ADTRP: variants seen among roughly 807,000 people sequenced by gnomAD.
ADTRP encodes androgen dependent TFPI regulating protein.
ADTRP carries 20 observed loss-of-function variants against 27.0 expected under a neutral mutation model. The observed-to-expected ratio is 0.74, with a 90% confidence interval of 0.52 to 1.08. The LOEUF is 1.08. ADTRP is among the 50% of genes least tolerant of loss of function. The pLI is 0.00. For missense variants in ADTRP, 251 were observed against 275.0 expected, an observed-to-expected ratio of 0.91 and a Z score of 0.62; for synonymous variants, 101 against 105.2, an observed-to-expected ratio of 0.96 and a Z score of 0.25.
chr6:11,726,244 C>G (rs772722294), intron 4 of ADTRP, among the ~76,000 whole-genome samples: 2 of 152,044 alleles, frequency 1.3e-5, no homozygotes, highest in African/African-American at 4.8e-5. Flanking sequence ...GAGGAGGCAG[C>G]GGGGAATGCT....
intron 1 of ADTRP, among the ~76,000 whole-genome samples, chr6:11,770,586 C>T (rs1228191526): frequency 2.0e-5 from 3 of 152,012 alleles, no homozygotes; most frequent in South Asian, 2.1e-4. Context: ...AATCATGGGC[C>T]CTGGGGTGGA....
chr6:11,766,333 C>T lies in ADTRP; in HGVS notation c.331G>A (p.Asp111Asn), dbSNP rs956488202. Residue 111 changes from aspartate to asparagine, a missense_variant, in exon 3 of 6, where the codon GAT (aspartate) becomes AAT (asparagine). Asp to Asn is a conservative substitution (Grantham distance 23). Transcript: ENST00000414691. The stretch of plus-strand genomic sequence containing the variant: ...TCTAGGACCTTGGGGTAAATGAGAT[C>T]TCGATTGTAGAGAAAGAGGATCCAG... ...AFWILFLYNR[D>N]LIYPKVLDTV... 6.2e-6 allele frequency: 10 copies of T among 1,612,586 alleles called. No homozygotes were observed. Among genetic ancestry groups the T allele is most frequent in the South Asian group, 4.4e-5 (4 of 90,782 alleles).
At chr6:11,731,413 A>G (rs913593436) in intron 4 of ADTRP, among the ~76,000 whole-genome samples, 1 of 152,144 alleles carries the variant, frequency 6.6e-6, no homozygotes. Flanking sequence ...TCCACTCCAA[A>G]CAAACAAACA....
At chr6:11,715,650 T>A (rs1761790052) in intron 5 of ADTRP, among the ~76,000 whole-genome samples, 2 of 9,158 alleles carry the variant, frequency 2.2e-4, no homozygotes, top group African/African-American at 4.6e-4. Flanking sequence ...GTTTTTCCCT[T>A]TTTTTTTTTT....
chr6:11,726,503 C>T (rs550707556), intron 4 of ADTRP, among the ~76,000 whole-genome samples: 19 of 152,258 alleles, frequency 1.2e-4, no homozygotes, highest in Non-Finnish European at 2.2e-4. Flanking sequence ...GTCCATTTCC[C>T]CTTTGATCTT....
chr6:11,741,881 CT>C (rs1005502293), intron 3 of ADTRP, among the ~76,000 whole-genome samples: 1 of 152,094 alleles, frequency 6.6e-6, no homozygotes, highest in Non-Finnish European at 1.5e-5. Context: ...TACACACCTG[CT>C]GTCAGTGCTG....
intron 2 of ADTRP, among the ~76,000 whole-genome samples, chr6:11,767,262 G>A (rs1029737446): frequency 6.6e-6 from 1 of 152,134 alleles, no homozygotes; most frequent in Non-Finnish European, 1.5e-5. Flanking sequence ...GAGCCTGGGA[G>A]GTTGAGGCTG....
In ADTRP at chr6:11,759,692, C is replaced by T. The variant is rs184602684; in HGVS notation, c.390+6582G>A. Among the ~76,000 whole-genome samples the T allele has an allele frequency of 3.3e-5, 5 of 152,142 alleles. No individual in the cohort carries two copies. In the East Asian group the frequency reaches 7.7e-4, roughly 23 times the overall value. ...CCCCAAAGATGTCTATGTCCTAATC[C>T]CTGGAACCCGTGAATATGTTGATAT... On this transcript the variant is annotated intron_variant, in intron 3 of 5. Transcript: ENST00000414691.
chr6:11,763,273 C>T (rs1763449097), intron 3 of ADTRP, among the ~76,000 whole-genome samples: 2 of 152,166 alleles, frequency 1.3e-5, no homozygotes, highest in East Asian at 3.8e-4. Context: ...TCATGAAGGT[C>T]CTACAACCAC....
intron 3 of ADTRP, among the ~76,000 whole-genome samples, chr6:11,755,666 C>T (rs2235400): frequency 0.32 from 48,559 of 152,062 alleles, 9,272 homozygotes; most frequent in East Asian, 0.65. Flanking sequence ...TCAGTGTTTC[C>T]CAGGTAAATG....
intron 4 of ADTRP, among the ~76,000 whole-genome samples, chr6:11,735,291 T>A (rs1166885543): frequency 6.6e-6 from 1 of 152,210 alleles, no homozygotes; most frequent in Non-Finnish European, 1.5e-5. Flanking sequence ...GAAAGCAAGA[T>A]GAGTGGCTTT....
At chr6:11,766,130 T>C (rs4713873) in intron 3 of ADTRP, 144 bp downstream of exon 3, 41,142 of 548,070 alleles carry the variant, frequency 0.075, 2,716 homozygotes, top group East Asian at 0.21. Context: ...ATTTCATACC[T>C]TCAATATGCC....
At chr6:11,742,709 T>C (rs1263756616) in intron 3 of ADTRP, among the ~76,000 whole-genome samples, 3 of 152,188 alleles carry the variant, frequency 2.0e-5, no homozygotes, top group Non-Finnish European at 4.4e-5. Context: ...CTAGTTTCCA[T>C]AAACTGATAA....
At chr6:11,737,605 G>A (rs1762590268) in intron 3 of ADTRP, among the ~76,000 whole-genome samples, 1 of 152,196 alleles carries the variant, frequency 6.6e-6, no homozygotes, top group Non-Finnish European at 1.5e-5. Flanking sequence ...TGGTGAGGCA[G>A]GAGCAGGGTG....
chr6:11,773,184 C>A (rs1206764553), intron 1 of ADTRP, among the ~76,000 whole-genome samples: 1 of 151,974 alleles, frequency 6.6e-6, no homozygotes, highest in East Asian at 1.9e-4. Flanking sequence ...GTGTTAGTGT[C>A]TTTATCTGGA....
At chr6:11,723,705 A>ATGGGC (rs1017763489) in intron 4 of ADTRP, among the ~76,000 whole-genome samples, 41 of 152,240 alleles carry the variant, frequency 2.7e-4, no homozygotes, top group African/African-American at 9.6e-4. Flanking sequence ...ATGCTGTTTG[A>ATGGGC]TGGGCTGGGC....
chr6:11,739,556 T>G (rs1328907977), intron 3 of ADTRP, among the ~76,000 whole-genome samples: 3 of 148,230 alleles, frequency 2.0e-5, no homozygotes, highest in Admixed American at 1.4e-4. Context: ...TCACAGTAGA[T>G]TCTCTGCTTA....
At chr6:11,770,416 C>T (rs563192664) in intron 1 of ADTRP, among the ~76,000 whole-genome samples, 90 of 152,192 alleles carry the variant, frequency 5.9e-4, no homozygotes, top group Non-Finnish European at 1.1e-3. Context: ...GCTGTTGAGC[C>T]CTCCTGTGGA....
At chr6:11,717,537 G>A (rs1326734467) in intron 5 of ADTRP, 23 of 1,079,678 alleles carry the variant, frequency 2.1e-5, no homozygotes, top group Non-Finnish European at 2.6e-5. Flanking sequence ...TATTCTCAAA[G>A]ATTTACACCT....
Sources: gnomAD v4.1 joint callset for allele counts (sites outside exome capture counted in the v4.1 genomes callset) on GRCh38, gnomAD v4.1.1 for gene constraint, MANE v1.5 for transcripts, NCBI Gene and HGNC (gene_info 2026-07-23, HGNC 2026-07-21) for gene names.